The following MAML1 variants were observed in gnomAD, a reference collection of about 807,000 sequenced individuals.
MAML1 encodes the protein mastermind-like protein 1.
In MAML1, 14 loss-of-function variants were observed where a neutral mutation model predicts 77.1. The observed-to-expected ratio is 0.18, with a 90% confidence interval of 0.12 to 0.28. The LOEUF is 0.28. Ranked by LOEUF, MAML1 falls within the 10% of genes least tolerant of loss-of-function variation. MAML1 has a pLI of 1.00. For missense variants in MAML1, 1,217 were observed against 1,327.8 expected, an observed-to-expected ratio of 0.92 and a Z score of 1.30; for synonymous variants, 516 against 551.9, an observed-to-expected ratio of 0.93 and a Z score of 0.91.
intron 1 of MAML1, among the ~76,000 whole-genome samples, chr5:179,750,766 T>C (rs970973578): frequency 2.0e-5 from 3 of 151,880 alleles, no homozygotes; most frequent in African/African-American, 7.3e-5. Context: ...TAGATTCTTA[T>C]TGGATAAATT....
chr5:179,749,396 G>A (rs1157677775), intron 1 of MAML1, among the ~76,000 whole-genome samples: 1 of 152,090 alleles, frequency 6.6e-6, no homozygotes, highest in Non-Finnish European at 1.5e-5. Context: ...AAAGTACTGG[G>A]ATTACAGACG....
In MAML1 at chr5:179,765,724, C is replaced by T. The variant is rs758663524; in HGVS notation, c.714C>T (p.Ser238=). 5.6e-6 allele frequency: 9 copies of T among 1,613,880 alleles called. No homozygotes were observed. The highest frequency in any genetic ancestry group is 7.6e-6 in the Non-Finnish European group (9 of 1,179,864). ...GGACTGTCGGCTCCATATCGCAAAG[C>T]AACCTCATGCCAGACCTCAACCTTA... is the stretch of plus-strand genomic sequence containing the variant. The part of the protein sequence containing the change: ...ITGTVGSISQ[S]NLMPDLNLNE... The change falls in exon 2 of 5, where the codon AGC becomes AGT. Residue 238 remains serine, a synonymous_variant. Transcript: ENST00000292599.
At chr5:179,768,125 A>T (rs1289975154) in intron 2 of MAML1, among the ~76,000 whole-genome samples, 6 of 152,228 alleles carry the variant, frequency 3.9e-5, no homozygotes, top group Admixed American at 3.9e-4. Flanking sequence ...TGCACATGGG[A>T]CAGAGTGGTC....
Position 179,769,832 on chromosome 5 carries a change from C to T in MAML1, c.1971+743C>T, listed in dbSNP as rs190186459. Among the ~76,000 whole-genome samples the T allele has an allele frequency of 3.3e-5, 5 of 152,096 alleles. No homozygotes were observed. The highest frequency in any genetic ancestry group is 3.9e-4 in the East Asian group (2 of 5,186). On this transcript the variant is annotated intron_variant, in intron 3 of 4. Coordinates refer to ENST00000292599, the MANE Select transcript of MAML1 (RefSeq NM_014757.5). This position sits in a 1 kb window ranked among gnomAD's most constrained non-coding sequence, Gnocchi z 4.2. ...CCTCCCAAAGTGCTGAGATTACAGG[C>T]GTGAGCCACCACGCCTGGCCTTAAA...
rs1290532892 is a variant in MAML1 at position 179,745,899 on chromosome 5, T to G, written c.315+12472T>G. ...AAAAAAAAAAATTAGCCGGGCGTGG[T>G]GGCATGTGCCTGTAATCCCAGCTAC... On this transcript the variant is annotated intron_variant, in intron 1 of 4. Transcript: ENST00000292599. 2.9e-4 allele frequency among the ~76,000 whole-genome samples: 41 copies of G among 140,544 alleles called. 1 individual carries two copies. Among genetic ancestry groups the G allele is most frequent in the Admixed American group, 1.9e-3 (27 of 13,912 alleles). 92.2% of individuals were successfully genotyped at this position (140,544 alleles called of 152,430 possible).
chr5:179,746,600 C>T (rs1476426207), intron 1 of MAML1, among the ~76,000 whole-genome samples: 2 of 151,824 alleles, frequency 1.3e-5, no homozygotes, highest in African/African-American at 2.4e-5. Context: ...CTTGAACTCC[C>T]GACCTCAGGT....
chr5:179,766,437 G>A lies in MAML1; in HGVS notation c.1427G>A (p.Arg476Gln), dbSNP rs943494417. 1.2e-5 allele frequency: 19 copies of A among 1,612,518 alleles called. No individual in the cohort carries two copies. Among genetic ancestry groups the A allele is most frequent in the Admixed American group, 8.4e-5 (5 of 59,712 alleles). Residue 476 changes from arginine (R) to glutamine (Q), a missense_variant, in exon 2 of 5, where the codon CGG (arginine) becomes CAG (glutamine). This residue lies in a region of MAML1 where 884 missense variants were observed against 949.3 expected (regional missense o/e 0.93). Coordinates refer to ENST00000292599, the MANE Select transcript of MAML1 (RefSeq NM_014757.5). This position sits in a 1 kb window ranked among gnomAD's most constrained non-coding sequence, Gnocchi z 4.0. The part of the protein sequence containing the change: ...MMPSVNKSSP[R>Q]PGGPYLQPSH... ...CCTAGTGTGAATAAGAGTTCCCCTCGGCCCGGAGGCCCCTACCTCCAGCCC... is the reference window on the plus strand; with the variant it reads ...CCTAGTGTGAATAAGAGTTCCCCTCAGCCCGGAGGCCCCTACCTCCAGCCC...
intron 1 of MAML1, among the ~76,000 whole-genome samples, chr5:179,758,997 CA>C (rs767659852): frequency 0.05 from 7,177 of 142,308 alleles, 237 homozygotes; most frequent in African/African-American, 0.091. Context: ...GACTCCGACT[CA>C]AAAAAAAAAA....
chr5:179,763,095 C>G (rs1779751000), intron 1 of MAML1, among the ~76,000 whole-genome samples: 1 of 152,104 alleles, frequency 6.6e-6, no homozygotes, highest in Non-Finnish European at 1.5e-5. Flanking sequence ...TTCTTTTTCC[C>G]CTAGGAAGAT....
chr5:179,768,872 C>T lies in MAML1; in HGVS notation c.1754C>T (p.Pro585Leu). 1 of 1,614,184 alleles carries T rather than the reference C, an allele frequency of 6.2e-7. No homozygotes were observed. Residue 585 changes from proline (P) to leucine (L), a missense_variant, in exon 3 of 5, where the codon CCT becomes CTT. By Grantham distance (98) the Pro-to-Leu change is moderately conservative. This residue lies in a region of MAML1 where 884 missense variants were observed against 949.3 expected (regional missense o/e 0.93). Transcript: ENST00000292599. ...CAGGAGCAGAACCCTTCCAGTGTCC[C>T]TGTGCAAGCCCAGGCTACCAGTGTT... ...PGQEQNPSSVPVQAQATSVGT... is the reference protein window; with the variant it reads ...PGQEQNPSSVLVQAQATSVGT...
Position 179,732,944 on chromosome 5 carries a change from C to T in MAML1, c.-169C>T. On this transcript the variant is annotated 5_prime_UTR_variant, in exon 1 of 5. Coordinates refer to ENST00000292599, the MANE Select transcript of MAML1 (RefSeq NM_014757.5). ...AGCAAGCGCCGGCTGGGGGTCGGGC[C>T]GAGCGGGGCAGGAGGAAAACCCGCC... 1 of 320,940 alleles carries T rather than the reference C, an allele frequency of 3.1e-6. No individual in the cohort carries two copies. Among genetic ancestry groups the T allele is most frequent in the Non-Finnish European group, 5.5e-6 (1 of 183,154 alleles). 19.9% of individuals were successfully genotyped at this position (320,940 alleles called of 1,614,324 possible).
At chr5:179,748,616 A>G (rs1472568534) in intron 1 of MAML1, among the ~76,000 whole-genome samples, 1 of 152,266 alleles carries the variant, frequency 6.6e-6, no homozygotes, top group Admixed American at 6.5e-5. Context: ...ACAAGGTGGG[A>G]AGTGACCTAT....
chr5:179,761,416 G>C (rs1779724086), intron 1 of MAML1, among the ~76,000 whole-genome samples: 1 of 151,938 alleles, frequency 6.6e-6, no homozygotes, highest in South Asian at 2.1e-4. Context: ...TTAATAAAGG[G>C]CTGGGTGAGG....
Position 179,766,415 on chromosome 5 carries a change from A to G in MAML1, c.1405A>G (p.Ser469Gly). The G allele has an allele frequency of 6.2e-7, 1 of 1,612,850 alleles. No individual in the cohort carries two copies. ...TAACTCCAAACTGCTCATGATGCCT[A>G]GTGTGAATAAGAGTTCCCCTCGGCC... is the stretch of plus-strand genomic sequence containing the variant. ...FTNSKLLMMP[S>G]VNKSSPRPGG... Residue 469 changes from serine to glycine, a missense_variant, in exon 2 of 5, where the codon AGT (serine) becomes GGT (glycine). By Grantham distance (56) the Ser-to-Gly change is moderately conservative. This residue lies in a region of MAML1 where 884 missense variants were observed against 949.3 expected (regional missense o/e 0.93). Transcript: ENST00000292599. The surrounding 1 kb of genome is among the most constrained non-coding windows in gnomAD (Gnocchi z 4.0).
intron 1 of MAML1, among the ~76,000 whole-genome samples, chr5:179,735,921 C>G (rs1163204657): frequency 7.0e-6 from 1 of 141,988 alleles, no homozygotes; most frequent in Non-Finnish European, 1.5e-5. Flanking sequence ...CCCCTGACCT[C>G]GTGATCCACC....
rs891535878 is a variant in MAML1 at position 179,742,255 on chromosome 5, A to G, written c.315+8828A>G. Reference sequence around the variant, plus strand: ...TGTAATCCCAGCACTTTGGGAGGCCAAGGCGGGTGGATCATCTGAGGTCAG... The same window carrying G: ...TGTAATCCCAGCACTTTGGGAGGCCGAGGCGGGTGGATCATCTGAGGTCAG... On this transcript the variant is annotated intron_variant, in intron 1 of 4. Transcript: ENST00000292599. 5.3e-5 allele frequency among the ~76,000 whole-genome samples: 8 copies of G among 150,830 alleles called. No homozygotes were observed. The South Asian group carries it at 1.1e-3, about 20-fold the overall frequency.
chr5:179,739,668 A>T (rs960604951), intron 1 of MAML1, among the ~76,000 whole-genome samples: 1 of 152,256 alleles, frequency 6.6e-6, no homozygotes, highest in African/African-American at 2.4e-5. Context: ...CCTGGGTGAC[A>T]TCCAAACCCT....
intron 2 of MAML1, among the ~76,000 whole-genome samples, chr5:179,767,229 G>A (rs1779838687): frequency 6.6e-6 from 1 of 151,288 alleles, no homozygotes; most frequent in South Asian, 2.1e-4. Flanking sequence ...ACTTCATCAT[G>A]GTTCTAAAGC....
At chr5:179,753,593 G>A (rs1180893240) in intron 1 of MAML1, among the ~76,000 whole-genome samples, 1 of 151,640 alleles carries the variant, frequency 6.6e-6, no homozygotes, top group Non-Finnish European at 1.5e-5. Context: ...TAAGACAGTA[G>A]TGGATGAGAT....
Sources: gnomAD v4.1 joint callset for allele counts (sites outside exome capture counted in the v4.1 genomes callset) on GRCh38, gnomAD v4.1.1 for gene constraint, gnomAD v4.1.1 regional missense constraint, Gnocchi (gnomAD v3.1) non-coding constraint, MANE v1.5 for transcripts, NCBI Gene and HGNC (gene_info 2026-07-23, HGNC 2026-07-21) for gene names.